Variants in SYNE1 observed in about 807,000 individuals in gnomAD.
The protein encoded by SYNE1 is nesprin-1.
SYNE1 carries 616 observed loss-of-function variants against 1,111.0 expected under a neutral mutation model. That is an observed-to-expected ratio of 0.55 (90% CI 0.52 to 0.59). The LOEUF is 0.59. Ranked by LOEUF, SYNE1 falls within the 20% of genes least tolerant of loss-of-function variation. The pLI is 0.00. For missense variants in SYNE1, 10,006 were observed against 10,417.0 expected, an observed-to-expected ratio of 0.96 and a Z score of 1.72; for synonymous variants, 3,855 against 3,825.8, an observed-to-expected ratio of 1.01 and a Z score of -0.28.
chr6:152,515,105 C>A (rs2099105048), intron 6 of SYNE1, among the ~76,000 whole-genome samples: 1 of 151,696 alleles, frequency 6.6e-6, no homozygotes, highest in African/African-American at 2.4e-5. Context: ...GCCTGTAGTC[C>A]CAGCTACTCG....
chr6:152,200,616 G>A (rs888352072), intron 127 of SYNE1, among the ~76,000 whole-genome samples: 7 of 152,108 alleles, frequency 4.6e-5, no homozygotes, highest in African/African-American at 1.7e-4. Flanking sequence ...GGCTGATCTT[G>A]AACATCTGGT....
chr6:152,561,203 A>C (rs1467459228), intron 3 of SYNE1, among the ~76,000 whole-genome samples: 2 of 152,234 alleles, frequency 1.3e-5, no homozygotes, highest in Non-Finnish European at 2.9e-5. Context: ...TATAACTGAT[A>C]AATTTAGTTA....
At chr6:152,242,558 G>T in intron 106 of SYNE1, 118 bp from the exon 107 acceptor site, 1 of 1,060,420 alleles carries the variant, frequency 9.4e-7, no homozygotes, top group Non-Finnish European at 1.4e-6. Flanking sequence ...CTTCAGGGAT[G>T]TGCCTCCTGG....
chr6:152,629,527 G>A (rs867999449), intron 2 of SYNE1, among the ~76,000 whole-genome samples: 4 of 115,848 alleles, frequency 3.5e-5, no homozygotes, highest in South Asian at 4.0e-4. Context: ...ATTGCCGGGG[G>A]GGGGGGGGGG....
chr6:152,470,877 A>G (rs2098801736), intron 16 of SYNE1, among the ~76,000 whole-genome samples: 1 of 152,206 alleles, frequency 6.6e-6, no homozygotes, highest in Non-Finnish European at 1.5e-5. Context: ...TAGGATGGCC[A>G]TGTTTAATTA....
chr6:152,304,716 C>A (rs370662840), intron 91 of SYNE1, among the ~76,000 whole-genome samples: 1 of 152,154 alleles, frequency 6.6e-6, no homozygotes, highest in African/African-American at 2.4e-5. Flanking sequence ...GCTACAGTAT[C>A]CTGCAAAGAT....
Position 152,347,682 on chromosome 6 carries a change from CT to C in SYNE1, c.11902-448del, listed in dbSNP as rs11451810. Among the ~76,000 whole-genome samples the C allele has an allele frequency of 1.9e-3, 267 of 138,938 alleles. 1 individual carries two copies. The highest frequency in any genetic ancestry group is 1.9e-3 in the Admixed American group (26 of 13,776). 91.1% of individuals were successfully genotyped at this position (138,938 alleles called of 152,430 possible). A position where few individuals can be genotyped will look rare whatever the true frequency, so the allele number is the denominator to read the frequency against. Reference sequence around the variant, plus strand: ...AAAAGTAGTTGTGTTTTTTGTCATTCTTTTTTTTTTTTTTTTAAGACAGAGT... The same window carrying C: ...AAAAGTAGTTGTGTTTTTTGTCATTCTTTTTTTTTTTTTTTAAGACAGAGT... On this transcript the variant is annotated intron_variant, in intron 72 of 145. Transcript: ENST00000367255.
At chr6:152,605,018 GAGA>G (rs2099609490) in intron 3 of SYNE1, among the ~76,000 whole-genome samples, 1 of 65,500 alleles carries the variant, frequency 1.5e-5, no homozygotes, top group African/African-American at 7.2e-5. Flanking sequence ...GAGAGAGAGA[GAGA>G]GAGAGAGAGA....
chr6:152,206,141 G>T (rs1285210064), intron 126 of SYNE1, 27 bp downstream of exon 126: 3 of 1,609,096 alleles, frequency 1.9e-6, no homozygotes, highest in East Asian at 4.5e-5. Context: ...AGGGTTTTTT[G>T]GTTCGTTTTT....
At chr6:152,434,108 A>G (rs760189488) in intron 33 of SYNE1, 163 bp from the exon 34 acceptor site, 21 of 648,228 alleles carry the variant, frequency 3.2e-5, no homozygotes, top group Non-Finnish European at 5.5e-5. Flanking sequence ...TGTTCTGAGT[A>G]GTTTATCAGG....
intron 3 of SYNE1, among the ~76,000 whole-genome samples, chr6:152,557,114 T>C (rs569938331): frequency 4.0e-5 from 6 of 151,476 alleles, no homozygotes; most frequent in Middle Eastern, 3.4e-3. Context: ...ACAGAAACCA[T>C]ACAAAAGAAC....
At position 152,256,100 on chromosome 6, in the gene SYNE1, A is replaced by C. The variant is rs372289779; in HGVS notation, c.19105-354T>G. Reference sequence around the variant, plus strand: ...GGTGACAGTGCAAGACTCTGAAAAAAATAAAATAAAATAAAATAAAAAACA... The same window carrying C: ...GGTGACAGTGCAAGACTCTGAAAAACATAAAATAAAATAAAATAAAAAACA... On this transcript the variant is annotated intron_variant, in intron 102 of 145. Transcript: ENST00000367255. Among the ~76,000 whole-genome samples, 20 of 151,708 alleles carry C rather than the reference A, an allele frequency of 1.3e-4. No individual in the cohort carries two copies. In the South Asian group the frequency reaches 3.1e-3, roughly 24 times the overall value.
chr6:152,275,294 AT>A (rs994890388), intron 98 of SYNE1, among the ~76,000 whole-genome samples: 1 of 152,104 alleles, frequency 6.6e-6, no homozygotes, highest in Non-Finnish European at 1.5e-5. Flanking sequence ...AAAAAAAAAA[AT>A]CATACATTGA....
chr6:152,416,734 C>G lies in SYNE1; in HGVS notation c.5703G>C (p.Glu1901Asp). The change falls in exon 41 of 146, where the codon GAG becomes GAC. Residue 1901 changes from glutamate to aspartate, a missense_variant. Coordinates refer to ENST00000367255, the MANE Select transcript of SYNE1 (RefSeq NM_182961.4). ...VEATNSMNKN[E>D]SDLIEKDLND... ...TGAGGTCCTTTTCTATCAAATCAGA[C>G]TCGTTCTTATTCATACTGTTGGTTG... The G allele has an allele frequency of 6.2e-7, 1 of 1,614,208 alleles. No homozygotes were observed.
At chr6:152,474,971 T>C (rs1293474626) in intron 14 of SYNE1, among the ~76,000 whole-genome samples, 8 of 152,214 alleles carry the variant, frequency 5.3e-5, no homozygotes, top group Admixed American at 1.3e-4. Context: ...ACTCAGATGC[T>C]AGAAACAAAT....
rs1471035137 is a variant in SYNE1, at chr6:152,257,776, A to AG, written c.18973-1012dup. Among the ~76,000 whole-genome samples, 4 of 152,344 alleles carry AG rather than the reference A, an allele frequency of 2.6e-5. No individual in the cohort carries two copies. The East Asian group carries it at 7.7e-4, about 29-fold the overall frequency. Reference sequence around the variant, plus strand: ...AAATAAGTCAATAGGTATAGAAAAAAGATGATCTAACACAAGGATAATTGA... The same window carrying AG: ...AAATAAGTCAATAGGTATAGAAAAAAGGATGATCTAACACAAGGATAATTGA... On this transcript the variant is annotated intron_variant, in intron 101 of 145. Transcript: ENST00000367255.
intron 41 of SYNE1, 48 bp downstream of exon 41, chr6:152,416,339 C>T: frequency 1.9e-6 from 3 of 1,608,988 alleles, no homozygotes; most frequent in Non-Finnish European, 2.5e-6. Context: ...AATTCCAGAA[C>T]AAATACAAAA....
rs766409142 is a variant in SYNE1 at position 152,331,143 on chromosome 6, C to G, written c.13542G>C (p.Trp4514Cys). 1 of 1,613,974 alleles carries G rather than the reference C, an allele frequency of 6.2e-7. No individual in the cohort carries two copies. The change falls in exon 78 of 146, where the codon TGG (tryptophan) becomes TGC (cysteine). Residue 4514 changes from tryptophan to cysteine, a missense_variant. Coordinates refer to ENST00000367255, the MANE Select transcript of SYNE1 (RefSeq NM_182961.4). ...KTYQNEVTGL[W>C]AQGRELMKEV... The stretch of plus-strand genomic sequence containing the variant: ...CCTTCATTAGTTCGCGACCCTGGGC[C>G]CAAAGTCCAGTGACTTCATTTTGGT...
At chr6:152,480,962 C>G (rs1239891391) in intron 14 of SYNE1, among the ~76,000 whole-genome samples, 7 of 152,112 alleles carry the variant, frequency 4.6e-5, no homozygotes, top group Admixed American at 2.0e-4. Flanking sequence ...CAGGGTGTCT[C>G]TCTCTCACTG....
Sources: allele counts gnomAD v4.1 joint callset (sites outside exome capture counted in the v4.1 genomes callset), GRCh38; gene constraint gnomAD v4.1.1; transcripts MANE v1.5; gene names NCBI Gene and HGNC (gene_info 2026-07-23, HGNC 2026-07-21).